Variants in SCAF4 observed in about 807,000 individuals in gnomAD.
SCAF4 encodes SR-related and CTD-associated factor 4.
In SCAF4, 25 loss-of-function variants were observed where a neutral mutation model predicts 129.8. That is an observed-to-expected ratio of 0.19 (90% CI 0.14 to 0.27). The LOEUF (loss-of-function observed/expected upper bound fraction) is 0.27, where lower values mean the gene tolerates loss of function less well. Among genes scored for constraint, SCAF4 ranks in the 10% least tolerant of loss-of-function variants. The pLI, the probability that SCAF4 is intolerant of heterozygous loss-of-function variation, is 1.00. For synonymous variants in SCAF4, 551 were observed against 497.7 expected, an observed-to-expected ratio of 1.11 and a Z score of -1.43; for missense variants, 1,246 against 1,457.1, an observed-to-expected ratio of 0.86 and a Z score of 2.36.
rs553946215 is a variant in SCAF4 at position 31,720,869 on chromosome 21, T to G, written c.30+10794A>C. ...TAGGATTCGGGATCAACAAAATAAT[T>G]TACAGAGCCATGCAGAGGCCGCTAG... On this transcript the variant is annotated intron_variant, in intron 1 of 19. Coordinates refer to ENST00000286835, the MANE Select transcript of SCAF4 (RefSeq NM_020706.2). 1.4e-3 allele frequency among the ~76,000 whole-genome samples: 208 copies of G among 152,238 alleles called. 2 individuals are homozygous for G. Among genetic ancestry groups the G allele is most frequent in the African/African-American group, 4.9e-3 (204 of 41,536 alleles).
At chr21:31,717,224 T>C (rs1236266856) in intron 1 of SCAF4, among the ~76,000 whole-genome samples, 1 of 152,192 alleles carries the variant, frequency 6.6e-6, no homozygotes, top group East Asian at 1.9e-4. Context: ...GAACCAGTAA[T>C]TCTACTTCTA....
At chr21:31,705,713 C>T (rs377372441) in intron 2 of SCAF4, among the ~76,000 whole-genome samples, 4 of 152,240 alleles carry the variant, frequency 2.6e-5, no homozygotes, top group African/African-American at 9.6e-5. Context: ...AATAAACCTT[C>T]ATGAAGCAGA....
intron 15 of SCAF4, 101 bp downstream of exon 15, chr21:31,690,696 C>G: frequency 9.2e-7 from 1 of 1,086,248 alleles, no homozygotes; most frequent in South Asian, 1.8e-5. Context: ...CCTAAAAAAT[C>G]TCAAAAATCA....
intron 1 of SCAF4, among the ~76,000 whole-genome samples, chr21:31,709,550 G>A (rs192528832): frequency 1.3e-5 from 2 of 152,176 alleles, no homozygotes; most frequent in African/African-American, 4.8e-5. Context: ...ATACAAGACA[G>A]ACTAGTGTAG....
chr21:31,717,563 TAAAG>T (rs762733694), intron 1 of SCAF4, among the ~76,000 whole-genome samples: 1 of 152,084 alleles, frequency 6.6e-6, no homozygotes, highest in Non-Finnish European at 1.5e-5. Flanking sequence ...AACTAAGTGA[TAAAG>T]AAATATGGTT....
At position 31,685,140 on chromosome 21, in the gene SCAF4, A is replaced by G; in HGVS notation, c.2397T>C (p.Gly799=). The part of the protein sequence containing the change: ...VSGARGNAES[G]DSVKMYGSAV... Reference sequence around the variant, plus strand: ...CAGAGCCATACATTTTCACGCTGTCACCAGACTCGGCGTTTCCTCTAGCCC... The same window carrying G: ...CAGAGCCATACATTTTCACGCTGTCGCCAGACTCGGCGTTTCCTCTAGCCC... Residue 799 remains glycine, a synonymous_variant, in exon 19 of 20, where the codon GGT becomes GGC. Transcript: ENST00000286835. The G allele has an allele frequency of 6.2e-7, 1 of 1,613,120 alleles. No homozygotes were observed. Among genetic ancestry groups the G allele is most frequent in the Non-Finnish European group, 8.5e-7 (1 of 1,179,842 alleles).
chr21:31,719,393 G>A (rs769397812), intron 1 of SCAF4, among the ~76,000 whole-genome samples: 1 of 151,430 alleles, frequency 6.6e-6, no homozygotes, highest in African/African-American at 2.4e-5. Context: ...TTGTACCATC[G>A]AGCCCTTATT....
intron 1 of SCAF4, among the ~76,000 whole-genome samples, chr21:31,712,526 C>CT (rs2050825860): frequency 7.3e-6 from 1 of 136,550 alleles, no homozygotes; most frequent in Non-Finnish European, 1.6e-5. Context: ...CCTGATTCTC[C>CT]CTTTTTTTTT....
chr21:31,724,865 A>AT (rs1323222384), intron 1 of SCAF4, among the ~76,000 whole-genome samples: 3 of 152,244 alleles, frequency 2.0e-5, no homozygotes, highest in Non-Finnish European at 4.4e-5. Context: ...TGTTCATGTA[A>AT]TTTTTTCTGA....
At chr21:31,724,580 T>C (rs984926498) in intron 1 of SCAF4, among the ~76,000 whole-genome samples, 2 of 152,326 alleles carry the variant, frequency 1.3e-5, no homozygotes, top group Admixed American at 6.5e-5. Context: ...TACTATGTTA[T>C]CAAGGTGTAT....
At position 31,671,561 on chromosome 21, in the gene SCAF4, T is replaced by C. The variant is rs1601164185; in HGVS notation, c.3282A>G (p.Glu1094=). 3 of 1,613,824 alleles carry C rather than the reference T, an allele frequency of 1.9e-6. No homozygotes were observed. The highest frequency in any genetic ancestry group is 2.5e-6 in the Non-Finnish European group (3 of 1,179,964). ...TDRAGGNKTV[E]PPISQVGNVD... The stretch of plus-strand genomic sequence containing the variant: ...CATTTCCCACTTGGCTAATGGGAGG[T>C]TCAACGGTTTTGTTACCACCTGCCC... The change falls in exon 20 of 20, where the codon GAA becomes GAG. Residue 1094 remains glutamate (E), a synonymous_variant. Coordinates refer to ENST00000286835, the MANE Select transcript of SCAF4 (RefSeq NM_020706.2).
intron 13 of SCAF4, chr21:31,692,148 G>T: frequency 1.7e-6 from 1 of 588,558 alleles, no homozygotes. Context: ...AATTAAACTT[G>T]GTTATCCAAG....
At chr21:31,715,576 A>G (rs1264347610) in intron 1 of SCAF4, among the ~76,000 whole-genome samples, 2 of 152,184 alleles carry the variant, frequency 1.3e-5, no homozygotes, top group African/African-American at 4.8e-5. Flanking sequence ...AGATCTTCAC[A>G]TTGACTTTGT....
At chr21:31,712,527 C>CTT (rs567950595) in intron 1 of SCAF4, among the ~76,000 whole-genome samples, 2,170 of 123,960 alleles carry the variant, frequency 0.018, 72 homozygotes, top group African/African-American at 0.056. Context: ...CTGATTCTCC[C>CTT]TTTTTTTTTT....
Position 31,691,889 on chromosome 21 carries a change from A to G in SCAF4, c.1656T>C (p.His552=), listed in dbSNP as rs760810126. ...GCAGGGCACGATAGGCATCTTGCCT[A>G]TGAACCATAACAATATAGGCACAAC... ...PRGCAYIVMV[H]RQDAYRALQK... is the part of the protein sequence containing the mutation. The change falls in exon 14 of 20, where the codon CAT becomes CAC. Residue 552 remains histidine, a synonymous_variant. Transcript: ENST00000286835. 7 of 1,608,378 alleles carry G rather than the reference A, an allele frequency of 4.4e-6. No individual in the cohort carries two copies. In the African/African-American group the frequency reaches 6.7e-5, roughly 15 times the overall value.
At chr21:31,688,114 C>CAAAAAAAAAAAAAAAAAAAAAA (rs61592268) in intron 16 of SCAF4, among the ~76,000 whole-genome samples, 193 bp downstream of exon 16, 1 of 10,908 alleles carries the variant, frequency 9.2e-5, no homozygotes, top group East Asian at 7.2e-3. Flanking sequence ...GACTCTGTCT[C>CAAAAAAAAAAAAAAAAAAAAAA]AAAAAAAAAA....
chr21:31,716,563 C>A (rs535265231), intron 1 of SCAF4, among the ~76,000 whole-genome samples: 1 of 152,208 alleles, frequency 6.6e-6, no homozygotes, highest in African/African-American at 2.4e-5. Context: ...AACACATAGA[C>A]ACTGTATAAC....
intron 19 of SCAF4, among the ~76,000 whole-genome samples, chr21:31,676,986 A>G: frequency 6.6e-6 from 1 of 152,076 alleles, no homozygotes; most frequent in Non-Finnish European, 1.5e-5. Context: ...TGCTTGGCGT[A>G]TCTTCTCAAG....
At chr21:31,675,437 G>T (rs2049828820) in intron 19 of SCAF4, among the ~76,000 whole-genome samples, 1 of 152,198 alleles carries the variant, frequency 6.6e-6, no homozygotes, top group Non-Finnish European at 1.5e-5. Context: ...AGAGACTGAA[G>T]TGAGAGGTGC....
Sources: allele counts gnomAD v4.1 joint callset (sites outside exome capture counted in the v4.1 genomes callset), GRCh38; gene constraint gnomAD v4.1.1; transcripts MANE v1.5; gene names NCBI Gene and HGNC (gene_info 2026-07-23, HGNC 2026-07-21).